The following TMEM116 variants were observed in gnomAD, a reference collection of about 807,000 sequenced individuals.
The protein encoded by TMEM116 is transmembrane protein 116.
A neutral mutation model predicts 44.3 loss-of-function variants in TMEM116; 38 were observed. The observed-to-expected ratio is 0.86, with a 90% CI of 0.66 to 1.12. The LOEUF (loss-of-function observed/expected upper bound fraction) is 1.12, where lower values mean the gene tolerates loss of function less well. TMEM116 is among the 50% of genes most tolerant of loss of function. The pLI is 0.00. For synonymous variants in TMEM116, 132 were observed against 144.8 expected (o/e 0.91, Z 0.64); for missense variants, 354 against 401.7 (o/e 0.88, Z 1.01).
chr12:111,940,463 A>C (rs956140226), intron 5 of TMEM116, among the ~76,000 whole-genome samples: 11 of 134,218 alleles, frequency 8.2e-5, no homozygotes, highest in African/African-American at 1.1e-4. Context: ...CCTGCCCCCC[A>C]CATATATATA....
At chr12:111,960,914 AATAG>A (rs1482990462) in intron 4 of TMEM116, among the ~76,000 whole-genome samples, 11 of 152,202 alleles carry the variant, frequency 7.2e-5, no homozygotes, top group African/African-American at 1.4e-4. Flanking sequence ...AGATTAATAA[AATAG>A]ATAGACCACT....
chr12:111,959,298 T>G (rs2074399276), intron 4 of TMEM116, among the ~76,000 whole-genome samples: 1 of 152,220 alleles, frequency 6.6e-6, no homozygotes, highest in Non-Finnish European at 1.5e-5. Flanking sequence ...AAGCAAATTC[T>G]GAGAGATTTT....
chr12:112,003,858 A>G lies in TMEM116; in HGVS notation c.20T>C (p.Ile7Thr), dbSNP rs776476101. 8.0e-6 allele frequency: 12 copies of G among 1,505,248 alleles called. No individual in the cohort carries two copies. Among genetic ancestry groups the G allele is most frequent in the African/African-American group, 2.8e-5 (2 of 70,842 alleles). 93.2% of individuals were successfully genotyped at this position (1,505,248 alleles called of 1,614,324 possible). ...ATAGGCAATAAGTGAACTTGAACCT[A>G]TAACACTGAGAAATTTAGAAGATGA... MATLSV[I>T]GSSSLIAYAV... The change falls in exon 3 of 11, where the codon ATA becomes ACA. Residue 7 changes from isoleucine to threonine, a missense_variant. Coordinates refer to ENST00000552374, the MANE Select transcript of TMEM116 (RefSeq NM_001193531.2).
chr12:112,004,344 G>A (rs995715512), intron 2 of TMEM116, among the ~76,000 whole-genome samples: 3 of 151,558 alleles, frequency 2.0e-5, no homozygotes, highest in South Asian at 2.1e-4. Flanking sequence ...GAGTACAGTC[G>A]TACAATCATA....
chr12:111,945,073 T>TAAAAAAAAAAAAAAAAA (rs1231486290), intron 4 of TMEM116, among the ~76,000 whole-genome samples: 1 of 56,622 alleles, frequency 1.8e-5, no homozygotes, highest in African/African-American at 6.8e-5. Context: ...AGACTCCATC[T>TAAAAAAAAAAAAAAAAA]AAAAAAAAAA....
In TMEM116 at chr12:111,932,651, G is replaced by C. The variant is rs776344505; in HGVS notation, c.742C>G (p.Leu248Val). 1.2e-6 allele frequency: 2 copies of C among 1,613,920 alleles called. No homozygotes were observed. ...GGCTTAGTCAGCTTTATGATCATTA[G>C]AATGACAGCTGTGAATACACAAAGT... ...FFCCWGPAVI[L>V]MIIKLTKPQD... The change falls in exon 10 of 11, where the codon CTA becomes GTA. Residue 248 changes from leucine (L) to valine (V), a missense_variant. Coordinates refer to ENST00000552374, the MANE Select transcript of TMEM116 (RefSeq NM_001193531.2).
intron 4 of TMEM116, among the ~76,000 whole-genome samples, chr12:111,978,327 G>A (rs1343552135): frequency 6.6e-6 from 1 of 151,950 alleles, no homozygotes; most frequent in South Asian, 2.1e-4. Context: ...CTTGAACCTG[G>A]GAGGCGGAGG....
chr12:111,996,165 A>G (rs2076923763), intron 3 of TMEM116, among the ~76,000 whole-genome samples: 1 of 151,930 alleles, frequency 6.6e-6, no homozygotes. Context: ...TTTAGGGAAA[A>G]TTTTCCTAAA....
At position 111,943,163 on chromosome 12, in the gene TMEM116, A is replaced by G. The variant is rs1041227247; in HGVS notation, c.315+102T>C. 13 of 901,186 alleles carry G rather than the reference A, an allele frequency of 1.4e-5. No homozygotes were observed. The East Asian group carries it at 2.9e-4, about 20-fold the overall frequency. 55.8% of individuals were successfully genotyped at this position (901,186 alleles called of 1,614,324 possible). On this transcript the variant is annotated intron_variant, in intron 5 of 10. Coordinates refer to ENST00000552374, the MANE Select transcript of TMEM116 (RefSeq NM_001193531.2). The stretch of plus-strand genomic sequence containing the variant: ...GGCCTCGAATTCCTGGGCATAAGCA[A>G]TCTGCCCCCCTCAGCCTCCCTAACT...
At chr12:112,001,458 C>A (rs1044807541) in intron 3 of TMEM116, among the ~76,000 whole-genome samples, 1 of 152,154 alleles carries the variant, frequency 6.6e-6, no homozygotes, top group Non-Finnish European at 1.5e-5. Flanking sequence ...ACTATAGGCA[C>A]CTGCCACTAC....
At chr12:111,985,587 A>C (rs1046016726) in intron 4 of TMEM116, among the ~76,000 whole-genome samples, 25 of 152,104 alleles carry the variant, frequency 1.6e-4, no homozygotes, top group African/African-American at 5.6e-4. Context: ...AAGACTTACT[A>C]TTATAGTTTT....
At chr12:111,972,756 A>G (rs1394213671) in intron 4 of TMEM116, among the ~76,000 whole-genome samples, 4 of 151,336 alleles carry the variant, frequency 2.6e-5, no homozygotes, top group African/African-American at 4.9e-5. Flanking sequence ...GCGTGTGCCT[A>G]TAATCCCAGC....
At chr12:111,934,902 A>C (rs573245064) in intron 8 of TMEM116, 1 of 152,206 alleles carries the variant, frequency 6.6e-6, no homozygotes, top group African/African-American at 2.4e-5. Context: ...TTTTTTGCAA[A>C]AATTAAATTA....
intron 4 of TMEM116, among the ~76,000 whole-genome samples, chr12:111,963,649 C>T (rs1411561059): frequency 2.0e-5 from 3 of 152,016 alleles, no homozygotes; most frequent in Non-Finnish European, 4.4e-5. Flanking sequence ...GGGAACATCA[C>T]ACACCAGGGC....
intron 2 of TMEM116, 104 bp downstream of exon 2, chr12:112,005,153 A>T (rs2077510874): frequency 4.3e-6 from 3 of 690,568 alleles, no homozygotes; most frequent in Non-Finnish European, 6.6e-6. Context: ...ATTTCTCTTT[A>T]ACTAAAGAGT....
intron 4 of TMEM116, among the ~76,000 whole-genome samples, chr12:111,986,500 G>A (rs2076237025): frequency 6.6e-6 from 1 of 151,486 alleles, no homozygotes; most frequent in African/African-American, 2.4e-5. Context: ...TCATTTAATG[G>A]GGAAAGGACA....
chr12:111,998,851 G>A (rs2077069308), intron 3 of TMEM116, among the ~76,000 whole-genome samples: 2 of 152,100 alleles, frequency 1.3e-5, no homozygotes, highest in Non-Finnish European at 2.9e-5. Flanking sequence ...GAAAGGAAAG[G>A]AAAGGACCCT....
intron 3 of TMEM116, chr12:111,993,490 T>C: frequency 1.8e-6 from 1 of 546,392 alleles, no homozygotes; most frequent in Non-Finnish European, 3.6e-6. Flanking sequence ...TGGCTGCCTC[T>C]GCCAGTGCTG....
chr12:111,982,370 G>A (rs1373770806), intron 4 of TMEM116, among the ~76,000 whole-genome samples: 2 of 148,954 alleles, frequency 1.3e-5, no homozygotes, highest in East Asian at 2.0e-4. Context: ...GTGTGATCTC[G>A]GCTCACTGAA....
Sources: allele counts gnomAD v4.1 joint callset (sites outside exome capture counted in the v4.1 genomes callset), GRCh38; gene constraint gnomAD v4.1.1; transcripts MANE v1.5; gene names NCBI Gene and HGNC (gene_info 2026-07-23, HGNC 2026-07-21).